PTPRM: variants seen among roughly 807,000 people sequenced by gnomAD.
PTPRM encodes the protein receptor-type tyrosine-protein phosphatase mu.
A neutral mutation model predicts 186.7 loss-of-function variants in PTPRM; 47 were observed. The observed-to-expected ratio is 0.25, with a 90% CI of 0.20 to 0.32. PTPRM has a LOEUF of 0.32. PTPRM is among the 10% of genes least tolerant of loss of function. The pLI is 1.00. For missense variants in PTPRM, 1,494 were observed against 1,865.0 expected (o/e 0.80, Z 3.66); for synonymous variants, 668 against 674.9 (o/e 0.99, Z 0.16).
At chr18:8,194,081 A>G (rs1414790096) in intron 14 of PTPRM, among the ~76,000 whole-genome samples, 1 of 152,128 alleles carries the variant, frequency 6.6e-6, no homozygotes, top group East Asian at 1.9e-4. Flanking sequence ...CGTGAAACCA[A>G]ATTTTCTCTC....
At chr18:7,777,028 A>G (rs1468522829) in intron 2 of PTPRM, among the ~76,000 whole-genome samples, 1 of 152,150 alleles carries the variant, frequency 6.6e-6, no homozygotes, top group East Asian at 1.9e-4. Flanking sequence ...ATTCCTTTCA[A>G]AAACTGATTC....
intron 14 of PTPRM, among the ~76,000 whole-genome samples, chr18:8,203,073 T>A (rs919310284): frequency 6.6e-6 from 1 of 152,264 alleles, no homozygotes; most frequent in Non-Finnish European, 1.5e-5. Flanking sequence ...AACTGAATTA[T>A]ATTTGTGCAA....
chr18:8,167,999 G>A (rs1336407217), intron 14 of PTPRM, among the ~76,000 whole-genome samples: 1 of 152,218 alleles, frequency 6.6e-6, no homozygotes, highest in Admixed American at 6.5e-5. Flanking sequence ...GCCCTTGCTT[G>A]TGTATTCCCA....
At chr18:7,702,150 T>C (rs1326648499) in intron 1 of PTPRM, among the ~76,000 whole-genome samples, 4 of 152,106 alleles carry the variant, frequency 2.6e-5, no homozygotes, top group Non-Finnish European at 5.9e-5. Flanking sequence ...ACAGTAAACA[T>C]ATGTGTGCAT....
chr18:8,071,639 A>G (rs796556682), intron 8 of PTPRM, among the ~76,000 whole-genome samples: 1 of 152,156 alleles, frequency 6.6e-6, no homozygotes, highest in Non-Finnish European at 1.5e-5. Context: ...CTGCAAAGCC[A>G]TCCCTGAGTG....
At chr18:8,152,201 A>G (rs1039033622) in intron 14 of PTPRM, among the ~76,000 whole-genome samples, 9 of 152,194 alleles carry the variant, frequency 5.9e-5, no homozygotes, top group Non-Finnish European at 1.2e-4. Context: ...GCTACTGTGG[A>G]CTAGAAATAA....
intron 4 of PTPRM, among the ~76,000 whole-genome samples, chr18:7,921,379 G>T (rs1449871968): frequency 1.5e-5 from 2 of 137,196 alleles, no homozygotes; most frequent in East Asian, 2.4e-4. Context: ...AGCCTCTAAT[G>T]AATTTTTTTT....
intron 7 of PTPRM, among the ~76,000 whole-genome samples, chr18:8,033,452 T>C (rs918951132): frequency 1.3e-5 from 2 of 152,058 alleles, no homozygotes; most frequent in South Asian, 4.2e-4. Flanking sequence ...CATCGTAGAG[T>C]GCACAGACAC....
intron 23 of PTPRM, among the ~76,000 whole-genome samples, chr18:8,356,307 T>TA (rs2148357107): frequency 6.6e-6 from 1 of 152,240 alleles, no homozygotes; most frequent in Non-Finnish European, 1.5e-5. Context: ...TGACAGTAGT[T>TA]ATGTGTTAAG....
chr18:8,273,556 A>G (rs2094797812), intron 19 of PTPRM, among the ~76,000 whole-genome samples: 1 of 152,126 alleles, frequency 6.6e-6, no homozygotes, highest in Non-Finnish European at 1.5e-5. Context: ...ATCTTCCTCC[A>G]CAGCTCCTGT....
intron 14 of PTPRM, among the ~76,000 whole-genome samples, chr18:8,204,872 G>A (rs552982590): frequency 4.5e-4 from 69 of 152,170 alleles, no homozygotes; most frequent in Non-Finnish European, 8.4e-4. Context: ...GTCAGGGTTT[G>A]TGATACTTCT....
chr18:7,710,860 C>T (rs541173284), intron 1 of PTPRM, among the ~76,000 whole-genome samples: 1 of 152,216 alleles, frequency 6.6e-6, no homozygotes, highest in Admixed American at 6.5e-5. Context: ...TGAAATATCT[C>T]TACAAGGAAA....
intron 23 of PTPRM, among the ~76,000 whole-genome samples, chr18:8,362,077 C>T (rs1382434111): frequency 1.3e-5 from 2 of 152,158 alleles, no homozygotes; most frequent in East Asian, 3.9e-4. Context: ...CCTGCCACCC[C>T]AGTCCTGAAG....
chr18:7,742,124 G>A (rs765492575), intron 1 of PTPRM: 5 of 152,182 alleles, frequency 3.3e-5, no homozygotes, highest in East Asian at 1.9e-4. Context: ...TTGGAATTAC[G>A]TGGGAAAAGG....
chr18:7,941,104 C>CTG (rs1253679738), intron 5 of PTPRM, among the ~76,000 whole-genome samples: 2 of 152,190 alleles, frequency 1.3e-5, no homozygotes, highest in Non-Finnish European at 2.9e-5. Context: ...CCTTTTCATG[C>CTG]TGGAAGATGG....
At chr18:8,248,685 C>A (rs1425182331) in intron 17 of PTPRM, among the ~76,000 whole-genome samples, 1 of 152,176 alleles carries the variant, frequency 6.6e-6, no homozygotes, top group Admixed American at 6.5e-5. Context: ...TGGCCCTCTA[C>A]CCATCCTCGG....
intron 8 of PTPRM, among the ~76,000 whole-genome samples, chr18:8,074,781 T>C (rs1016971830): frequency 2.0e-5 from 3 of 152,214 alleles, no homozygotes; most frequent in African/African-American, 7.2e-5. Flanking sequence ...TTTAATATTG[T>C]TACTTTTACA....
chr18:7,888,510 T>A, intron 3 of PTPRM, 133 bp downstream of exon 3: 1 of 1,034,496 alleles, frequency 9.7e-7, no homozygotes, highest in East Asian at 2.7e-5. Flanking sequence ...AGGGGAACTC[T>A]CATCCTATAC....
intron 14 of PTPRM, among the ~76,000 whole-genome samples, chr18:8,243,394 T>G (rs2094449856): frequency 6.6e-6 from 1 of 152,202 alleles, no homozygotes; most frequent in Non-Finnish European, 1.5e-5. Context: ...CAAAACTTGA[T>G]GGGAACTAAT....
Sources: allele counts gnomAD v4.1 joint callset (sites outside exome capture counted in the v4.1 genomes callset), GRCh38; gene constraint gnomAD v4.1.1; transcripts MANE v1.5; gene names NCBI Gene and HGNC (gene_info 2026-07-23, HGNC 2026-07-21).